DSCAM: variants seen among roughly 807,000 people sequenced by gnomAD.
DSCAM encodes the protein DS cell adhesion molecule.
Under a neutral mutation model 217.7 loss-of-function variants are expected in DSCAM, and 47 were observed. That is an observed-to-expected ratio of 0.22 (90% CI 0.17 to 0.28). The LOEUF is 0.28. DSCAM is among the 10% of genes least tolerant of loss of function. The probability of loss-of-function intolerance (pLI) is 1.00; values close to 1 mark genes in which losing one functional copy is unlikely to be tolerated. For synonymous variants in DSCAM, 1,056 were observed against 1,015.3 expected, an observed-to-expected ratio of 1.04 and a Z score of -0.76; for missense variants, 2,080 against 2,618.3, an observed-to-expected ratio of 0.79 and a Z score of 4.49.
At position 40,080,224 on chromosome 21, in the gene DSCAM, T is replaced by C; in HGVS notation, c.4348A>G (p.Thr1450Ala). Residue 1450 changes from threonine to alanine, a missense_variant, in exon 25 of 33, where the codon ACA becomes GCA. Thr to Ala is a moderately conservative substitution (Grantham distance 58, BLOSUM62 0). This residue lies in a region of DSCAM where 1,144 missense variants were observed against 1,421.1 expected (regional missense o/e 0.81). Coordinates refer to ENST00000400454, the MANE Select transcript of DSCAM (RefSeq NM_001389.5). ...NLKCGTWYKF[T>A]LTAQNGVGPG... Reference sequence around the variant, plus strand: ...CCCACTCCATTTTGGGCTGTCAGTGTGAACTTATACCAAGTCCCACATTTG... The same window carrying C: ...CCCACTCCATTTTGGGCTGTCAGTGCGAACTTATACCAAGTCCCACATTTG... 6.2e-7 allele frequency: 1 copy of C among 1,613,568 alleles called. No homozygotes were observed. The highest frequency in any genetic ancestry group is 8.5e-7 in the Non-Finnish European group (1 of 1,179,900).
intron 9 of DSCAM, among the ~76,000 whole-genome samples, chr21:40,302,578 C>T (rs998207830): frequency 5.3e-5 from 8 of 152,140 alleles, no homozygotes; most frequent in African/African-American, 1.9e-4. Flanking sequence ...GGTTCAACTA[C>T]ATAATTACAT....
At chr21:40,294,832 T>G (rs78485378) in intron 10 of DSCAM, among the ~76,000 whole-genome samples, 1,622 of 152,288 alleles carry the variant, frequency 0.011, 36 homozygotes, top group African/African-American at 0.037. Context: ...AGACTCTGAA[T>G]AACAGGATTT....
intron 19 of DSCAM, among the ~76,000 whole-genome samples, chr21:40,130,952 C>T (rs898488257): frequency 1.3e-5 from 2 of 152,158 alleles, no homozygotes; most frequent in African/African-American, 2.4e-5. Context: ...ACAACTGAAT[C>T]GGATGCTCGC....
At chr21:40,549,269 A>C (rs2076610464) in intron 3 of DSCAM, among the ~76,000 whole-genome samples, 1 of 152,232 alleles carries the variant, frequency 6.6e-6, no homozygotes, top group African/African-American at 2.4e-5. Flanking sequence ...CATACATTTA[A>C]TTTGTAACAT....
chr21:40,286,849 G>GT (rs1300514796), intron 10 of DSCAM, among the ~76,000 whole-genome samples: 7 of 1,846 alleles, frequency 3.8e-3, no homozygotes, highest in Non-Finnish European at 6.3e-3. Context: ...ATGATCTGCA[G>GT]GTATCTGCAG....
intron 1 of DSCAM, among the ~76,000 whole-genome samples, chr21:40,759,083 G>A (rs1471214247): frequency 6.6e-6 from 1 of 152,118 alleles, no homozygotes; most frequent in African/African-American, 2.4e-5. Context: ...GGCACAAAAA[G>A]GAGAGGGAGA....
chr21:40,154,464 G>T (rs1027695464), intron 16 of DSCAM, among the ~76,000 whole-genome samples: 3 of 152,022 alleles, frequency 2.0e-5, no homozygotes, highest in African/African-American at 7.2e-5. Context: ...ATGTTGCCCA[G>T]GCTGGTCTCC....
chr21:40,430,586 T>G (rs1020564039), intron 3 of DSCAM, among the ~76,000 whole-genome samples: 8 of 152,312 alleles, frequency 5.3e-5, no homozygotes, highest in South Asian at 4.1e-4. Flanking sequence ...TGAGATCCTA[T>G]GATTGTGTAA....
chr21:40,572,740 C>CA (rs1446526826), intron 3 of DSCAM, among the ~76,000 whole-genome samples: 1 of 152,088 alleles, frequency 6.6e-6, no homozygotes, highest in Non-Finnish European at 1.5e-5. Context: ...TAAAGAGATT[C>CA]AAAATGCATG....
chr21:40,418,021 A>G (rs1195147628), intron 3 of DSCAM, among the ~76,000 whole-genome samples: 1 of 152,160 alleles, frequency 6.6e-6, no homozygotes, highest in Non-Finnish European at 1.5e-5. Flanking sequence ...CTTCTATGCA[A>G]AAGTTCCTCA....
At chr21:40,401,169 A>AAGTAAC (rs559968565) in intron 3 of DSCAM, among the ~76,000 whole-genome samples, 6 of 152,228 alleles carry the variant, frequency 3.9e-5, no homozygotes, top group South Asian at 4.1e-4. Context: ...CGCTAAGTAA[A>AAGTAAC]AGTAACAGTA....
rs138284822 is a variant in DSCAM, at chr21:40,752,911, TTGAA to T, written c.44-44144_44-44141del. ...TTAAATAATAGACACTAAGCATTTG[TTGAA>T]TGAATGAAGTAATAGATGAAATAGA... On this transcript the variant is annotated intron_variant, in intron 1 of 32. Coordinates refer to ENST00000400454, the MANE Select transcript of DSCAM (RefSeq NM_001389.5). 2.4e-3 allele frequency among the ~76,000 whole-genome samples: 369 copies of T among 152,300 alleles called. 1 individual carries two copies. Among genetic ancestry groups the T allele is most frequent in the South Asian group, 5.6e-3 (27 of 4,824 alleles).
chr21:40,110,166 C>G (rs942868035), intron 20 of DSCAM, among the ~76,000 whole-genome samples: 7 of 152,186 alleles, frequency 4.6e-5, no homozygotes, highest in African/African-American at 1.7e-4. Flanking sequence ...GAGGCACCCA[C>G]CAGTGGGGCA....
At chr21:40,647,959 G>C (rs919868049) in intron 3 of DSCAM, among the ~76,000 whole-genome samples, 3 of 152,160 alleles carry the variant, frequency 2.0e-5, no homozygotes, top group African/African-American at 7.2e-5. Flanking sequence ...GTGCTGCATA[G>C]GGGGAGGGAG....
intron 5 of DSCAM, among the ~76,000 whole-genome samples, chr21:40,350,124 A>G (rs1291431928): frequency 1.3e-5 from 2 of 152,164 alleles, no homozygotes; most frequent in Non-Finnish European, 2.9e-5. Flanking sequence ...TACACCTTAT[A>G]CGAAAATTAA....
intron 18 of DSCAM, among the ~76,000 whole-genome samples, chr21:40,139,191 A>G (rs74901161): frequency 0.069 from 10,381 of 151,434 alleles, 446 homozygotes; most frequent in East Asian, 0.11. Context: ...GTGGACCCTG[A>G]AAACCTGAGA....
chr21:40,124,050 T>C (rs1179753829), intron 20 of DSCAM, 145 bp downstream of exon 20: 2 of 1,065,560 alleles, frequency 1.9e-6, no homozygotes, highest in Admixed American at 4.5e-5. Context: ...GACTTTGTTT[T>C]GTATGTGGAG....
chr21:40,494,830 T>C (rs2076105093), intron 3 of DSCAM, among the ~76,000 whole-genome samples: 1 of 148,706 alleles, frequency 6.7e-6, no homozygotes, highest in Admixed American at 6.7e-5. Context: ...TTGGGTTTTT[T>C]TTTTTCAAAA....
chr21:40,258,344 C>T (rs534871964), intron 11 of DSCAM, among the ~76,000 whole-genome samples: 1 of 152,252 alleles, frequency 6.6e-6, no homozygotes, highest in Non-Finnish European at 1.5e-5. Context: ...TCTCAAATGA[C>T]AGGAACACAT....
Sources: allele counts gnomAD v4.1 joint callset (sites outside exome capture counted in the v4.1 genomes callset), GRCh38; gene constraint gnomAD v4.1.1; regional missense constraint gnomAD v4.1.1; transcripts MANE v1.5; gene names NCBI Gene and HGNC (gene_info 2026-07-23, HGNC 2026-07-21).